DHX37: variants seen among roughly 807,000 people sequenced by gnomAD.
DHX37 encodes the protein probable ATP-dependent RNA helicase DHX37.
DHX37 carries 52 observed loss-of-function variants against 134.3 expected under a neutral mutation model. That is an observed-to-expected ratio of 0.39 (90% CI 0.31 to 0.49). The LOEUF (loss-of-function observed/expected upper bound fraction) is 0.49, where lower values mean the gene tolerates loss of function less well. DHX37 is among the 20% of genes least tolerant of loss of function. DHX37 has a pLI of 0.93. For synonymous variants in DHX37, 634 were observed against 670.7 expected, an observed-to-expected ratio of 0.95 and a Z score of 0.85; for missense variants, 1,344 against 1,580.8, an observed-to-expected ratio of 0.85 and a Z score of 2.54.
chr12:124,947,569 A>C lies in DHX37; in HGVS notation c.*233T>G. On this transcript the variant is annotated 3_prime_UTR_variant, in exon 27 of 27. Transcript: ENST00000308736. ...AGCGTCCAGCACGTGAGATGAAATC[A>C]TCATCCACCATATAATAAACAGTTC... 1.9e-6 allele frequency: 1 copy of C among 517,164 alleles called. No homozygotes were observed. The highest frequency in any genetic ancestry group is 1.9e-5 in the African/African-American group (1 of 52,838). 32.0% of individuals were successfully genotyped at this position (517,164 alleles called of 1,614,324 possible).
rs146951935 is a variant in DHX37 at position 124,988,667 on chromosome 12, G to GT, written c.106+249dup. Among the ~76,000 whole-genome samples, 491 of 151,722 alleles carry GT rather than the reference G, an allele frequency of 3.2e-3. 7 individuals carry two copies. Among genetic ancestry groups the GT allele is most frequent in the African/African-American group, 0.01 (422 of 41,372 alleles). ...CATGGGAAGGGATGGAACTACTCCT[G>GT]TTTTTTTTGCCAAATTCTCCATGTT... On this transcript the variant is annotated intron_variant, in intron 1 of 26. Coordinates refer to ENST00000308736, the MANE Select transcript of DHX37 (RefSeq NM_032656.4).
chr12:124,976,531 G>A lies in DHX37; in HGVS notation c.887+811C>T, dbSNP rs183016437. On this transcript the variant is annotated intron_variant, in intron 5 of 26. Coordinates refer to ENST00000308736, the MANE Select transcript of DHX37 (RefSeq NM_032656.4). ...GTTCAAGACCAGCCTGACCAACACG[G>A]TGAAACTCTGTCTCTTGGCCGGGTG... Among the ~76,000 whole-genome samples the A allele has an allele frequency of 6.8e-4, 103 of 152,162 alleles. 1 individual carries two copies. The highest frequency in any genetic ancestry group is 2.3e-3 in the African/African-American group (96 of 41,542).
chr12:124,965,131 AG>A (rs1954353981), intron 13 of DHX37, 125 bp from the exon 14 acceptor site: 1 of 1,129,740 alleles, frequency 8.9e-7, no homozygotes, highest in African/African-American at 1.6e-5. Context: ...CCTGCTGCAG[AG>A]GCTCCCCTTG....
At chr12:124,966,703 T>G (rs1954396492) in intron 12 of DHX37, 90 bp downstream of exon 12, 1 of 1,354,618 alleles carries the variant, frequency 7.4e-7, no homozygotes, top group Non-Finnish European at 1.1e-6. Flanking sequence ...CCAATTACAC[T>G]TAAACCTAAG....
Position 124,964,446 on chromosome 12 carries a change from C to A in DHX37, c.1993G>T (p.Ala665Ser), listed in dbSNP as rs2135944951. The change falls in exon 15 of 27, where the codon GCT (alanine) becomes TCT (serine). Residue 665 changes from alanine (A) to serine (S), a missense_variant. By Grantham distance (99) the Ala-to-Ser change is moderately conservative (BLOSUM62 1). Around this residue, in one of 7 missense-constraint regions of DHX37, gnomAD observed 39 missense variants for 87.9 expected, o/e 0.44. Coordinates refer to ENST00000308736, the MANE Select transcript of DHX37 (RefSeq NM_032656.4). ...CCTGCTCTGCCCGCTCGCTGGTCAG[C>A]TGATGCCTGGGAGACCCAGGTGACA... ...FRVTWVSQAS[A>S]DQRAGRAGRT... The A allele has an allele frequency of 1.9e-6, 3 of 1,614,174 alleles. No individual in the cohort carries two copies. The East Asian group carries it at 6.7e-5, about 36-fold the overall frequency.
At position 124,959,073 on chromosome 12, in the gene DHX37, C is replaced by CTTTT. The variant is rs1188884814; in HGVS notation, c.2157+1235_2157+1238dup. ...TATAGGCACCTGTCACCACACCTGG[C>CTTTT]TTTTTTTTTTTTTTTTTGGAGACGG... On this transcript the variant is annotated intron_variant, in intron 16 of 26. Coordinates refer to ENST00000308736, the MANE Select transcript of DHX37 (RefSeq NM_032656.4). 3.4e-3 allele frequency among the ~76,000 whole-genome samples: 388 copies of CTTTT among 115,760 alleles called. 20 individuals carry two copies. The highest frequency in any genetic ancestry group is 0.014 in the African/African-American group (354 of 25,290). 75.9% of individuals were successfully genotyped at this position (115,760 alleles called of 152,430 possible).
rs766874406 is a variant in DHX37, at chr12:124,971,159, C to T, written c.1191+143G>A. ...CCTGGCACTAGGCCTAGACCTAGGC[C>T]CAGGGAGACCTTGTGCTCGGGGTAC... On this transcript the variant is annotated intron_variant, in intron 8 of 26. Coordinates refer to ENST00000308736, the MANE Select transcript of DHX37 (RefSeq NM_032656.4). 5.2e-6 allele frequency: 7 copies of T among 1,352,432 alleles called. No individual in the cohort carries two copies. The African/African-American group carries it at 1.0e-4, about 20-fold the overall frequency. 83.8% of individuals were successfully genotyped at this position (1,352,432 alleles called of 1,614,324 possible).
chr12:124,969,742 T>C (rs1471989321), intron 8 of DHX37, among the ~76,000 whole-genome samples: 2 of 151,940 alleles, frequency 1.3e-5, no homozygotes, highest in Non-Finnish European at 2.9e-5. Context: ...GGAAGTACCA[T>C]GGAATTCTGC....
chr12:124,977,584 A>T, intron 4 of DHX37, 94 bp from the exon 5 acceptor site: 1 of 1,391,272 alleles, frequency 7.2e-7, no homozygotes, highest in Non-Finnish European at 9.4e-7. Flanking sequence ...TGGGTGCTGA[A>T]CAGATGTGCC....
chr12:124,965,964 G>T, intron 12 of DHX37, 152 bp from the exon 13 acceptor site: 1 of 983,444 alleles, frequency 1.0e-6, no homozygotes, highest in Non-Finnish European at 1.4e-6. Flanking sequence ...CTCTCTTCCT[G>T]CCAGAATTTC....
rs1256801017 is a variant in DHX37, at chr12:124,949,863, G to A, written c.3290+123C>T. 2.6e-6 allele frequency: 3 copies of A among 1,140,220 alleles called. No individual in the cohort carries two copies. Among genetic ancestry groups the A allele is most frequent in the East Asian group, 5.2e-5 (2 of 38,452 alleles). The allele number at this position is 1,140,220 out of a possible 1,614,324, so 70.6% of individuals were successfully genotyped here. On this transcript the variant is annotated intron_variant, in intron 25 of 26. Coordinates refer to ENST00000308736, the MANE Select transcript of DHX37 (RefSeq NM_032656.4). The surrounding 1 kb of genome is among the most constrained non-coding windows in gnomAD (Gnocchi z 4.0). ...GTGGCTCTGCAGAGCCTTCAGACCT[G>A]AGCACAGACTTCTGATGTTTTAAGC...
At position 124,980,477 on chromosome 12, in the gene DHX37, C is replaced by A; in HGVS notation, c.738+13G>T. ...TAACCTAGATTCTTAATCACAAACA[C>A]GGGGTGGCGAACCTGCATTTCCGGG... On this transcript the variant is annotated intron_variant, in intron 4 of 26. Coordinates refer to ENST00000308736, the MANE Select transcript of DHX37 (RefSeq NM_032656.4). This position sits in a 1 kb window ranked among gnomAD's most constrained non-coding sequence, Gnocchi z 5.3. The A allele has an allele frequency of 1.9e-6, 3 of 1,604,442 alleles. No individual in the cohort carries two copies. Among genetic ancestry groups the A allele is most frequent in the Middle Eastern group, 1.9e-4 (1 of 5,226 alleles).
intron 7 of DHX37, 35 bp from the exon 8 acceptor site, chr12:124,971,450 A>G: frequency 6.2e-7 from 1 of 1,606,910 alleles, no homozygotes; most frequent in Non-Finnish European, 8.5e-7. Context: ...CCACCCTTCC[A>G]GCCTAAGCCC....
chr12:124,967,913 C>CA (rs1273207221), intron 10 of DHX37, among the ~76,000 whole-genome samples: 3 of 151,886 alleles, frequency 2.0e-5, no homozygotes, highest in Non-Finnish European at 2.9e-5. Flanking sequence ...TACTAAAATA[C>CA]AAAAAATTAG....
In DHX37 at chr12:124,986,446, C is replaced by T. The variant is rs148440891; in HGVS notation, c.107-181G>A. On this transcript the variant is annotated intron_variant, in intron 1 of 26. Transcript: ENST00000308736. Reference sequence around the variant, plus strand: ...GTTCTCAAGGCTTGGCGCAGGGGCTCATGCCTGTAATCCCAGCACTTTGGG... The same window carrying T: ...GTTCTCAAGGCTTGGCGCAGGGGCTTATGCCTGTAATCCCAGCACTTTGGG... Among the ~76,000 whole-genome samples the T allele has an allele frequency of 5.4e-3, 829 of 152,216 alleles. 2 individuals carry two copies. Among genetic ancestry groups the T allele is most frequent in the African/African-American group, 0.019 (799 of 41,554 alleles).
At chr12:124,985,262 C>T (rs962111073) in intron 2 of DHX37, among the ~76,000 whole-genome samples, 6 of 152,078 alleles carry the variant, frequency 3.9e-5, no homozygotes, top group Non-Finnish European at 8.8e-5. Flanking sequence ...TTCAAAATGA[C>T]CCAGAGGTGG....
intron 6 of DHX37, among the ~76,000 whole-genome samples, chr12:124,973,064 C>T (rs777737611): frequency 2.0e-5 from 3 of 152,184 alleles, no homozygotes; most frequent in Non-Finnish European, 4.4e-5. Context: ...ATTACTTGTG[C>T]CCAAGAGGTT....
intron 6 of DHX37, among the ~76,000 whole-genome samples, chr12:124,974,007 G>A (rs1461377956): frequency 6.7e-6 from 1 of 149,730 alleles, no homozygotes; most frequent in Non-Finnish European, 1.5e-5. Context: ...GACTGCAGTG[G>A]TGCTATCTCA....
rs141343765 is a variant in DHX37 at position 124,983,418 on chromosome 12, T to TACACACACACACACACACACACACAC, written c.277-821_277-796dup. Among the ~76,000 whole-genome samples, 3 of 148,218 alleles carry TACACACACACACACACACACACACAC rather than the reference T, an allele frequency of 2.0e-5. No homozygotes were observed. In the Admixed American group the frequency reaches 2.0e-4, roughly 10 times the overall value. Reference sequence around the variant, plus strand: ...AGCCTACACACTTCTATGTGTGTATTACACACACACACACACACACACACA... The same window carrying TACACACACACACACACACACACACAC: ...AGCCTACACACTTCTATGTGTGTATTACACACACACACACACACACACACACACACACACACACACACACACACACA... On this transcript the variant is annotated intron_variant, in intron 2 of 26. Transcript: ENST00000308736.
Sources: gnomAD v4.1 joint callset for allele counts (sites outside exome capture counted in the v4.1 genomes callset) on GRCh38, gnomAD v4.1.1 for gene constraint, gnomAD v4.1.1 regional missense constraint, Gnocchi (gnomAD v3.1) non-coding constraint, MANE v1.5 for transcripts, NCBI Gene and HGNC (gene_info 2026-07-23, HGNC 2026-07-21) for gene names.